GPHN: variants seen among roughly 807,000 people sequenced by gnomAD.
GPHN encodes gephyrin.
Under a neutral mutation model 95.5 loss-of-function variants are expected in GPHN, and 17 were observed. The ratio of observed to expected loss-of-function variants is 0.18; its 90% CI spans 0.12 to 0.27. GPHN has a LOEUF of 0.27. Among genes scored for constraint, GPHN ranks in the 10% least tolerant of loss-of-function variants. GPHN has a pLI of 1.00. For missense variants in GPHN, 660 were observed against 978.1 expected (o/e 0.67, Z 4.34); for synonymous variants, 320 against 322.5 (o/e 0.99, Z 0.08).
At chr14:67,536,899 G>A in the GPHN span, among the ~76,000 whole-genome samples, 4 of 151,694 alleles carry the variant, frequency 2.6e-5, no homozygotes, top group Admixed American at 2.6e-4. Context: ...AAATTAGCCA[G>A]TGTGGTGGCA....
the GPHN span, chr14:67,473,482 C>T: frequency 6.2e-7 from 1 of 1,614,188 alleles, no homozygotes; most frequent in South Asian, 1.1e-5. The surrounding 1 kb of genome is among the most constrained non-coding windows in gnomAD (Gnocchi z 6.5). Flanking sequence ...CCGGGCTCAG[C>T]GTCCTTGTCG....
the GPHN span, among the ~76,000 whole-genome samples, chr14:67,596,028 G>A: frequency 1.3e-5 from 2 of 152,182 alleles, no homozygotes; most frequent in Admixed American, 6.5e-5. Context: ...TTGATTCTAA[G>A]ACCAATGTAT....
intron 9 of GPHN, among the ~76,000 whole-genome samples, chr14:66,975,670 A>G (rs1017497462): frequency 1.3e-5 from 2 of 152,014 alleles, no homozygotes; most frequent in African/African-American, 4.8e-5. Context: ...ACTGAAGCCC[A>G]GGAGTTCAGG....
In GPHN at chr14:66,678,468, T is replaced by A. The variant is rs1388832917; in HGVS notation, c.65-2639T>A. On this transcript the variant is annotated intron_variant, in intron 1 of 22. Transcript: ENST00000478722. ...ATGACATTCTATTTAATTTCTCATT[T>A]AGATCACCAGTTGTTTTTTTTTTCT... Among the ~76,000 whole-genome samples, 4 of 151,988 alleles carry A rather than the reference T, an allele frequency of 2.6e-5. No homozygotes were observed. The East Asian group carries it at 7.7e-4, about 29-fold the overall frequency.
chr14:67,663,184 A>G, the GPHN span: 4 of 1,529,186 alleles, frequency 2.6e-6, no homozygotes, highest in South Asian at 4.8e-5. Context: ...AAAATTACTA[A>G]TCTCCCCTTT....
At chr14:67,076,404 G>A (rs1050293769) in intron 11 of GPHN, among the ~76,000 whole-genome samples, 4 of 151,894 alleles carry the variant, frequency 2.6e-5, no homozygotes, top group East Asian at 3.9e-4. Context: ...AGTTTATTGC[G>A]GTAGTCTTGA....
chr14:67,437,659 G>A, the GPHN span, among the ~76,000 whole-genome samples: 2 of 152,140 alleles, frequency 1.3e-5, no homozygotes, highest in Non-Finnish European at 2.9e-5. Flanking sequence ...TGGAGGAGGG[G>A]GGAGAGAGAG....
chr14:67,013,608 C>T (rs1306014283), intron 9 of GPHN, among the ~76,000 whole-genome samples: 1 of 152,140 alleles, frequency 6.6e-6, no homozygotes, highest in African/African-American at 2.4e-5. Context: ...ACTTTCTAAG[C>T]TCTTGCTACT....
intron 1 of GPHN, among the ~76,000 whole-genome samples, chr14:66,599,298 G>A (rs549597565): frequency 2.0e-5 from 3 of 150,220 alleles, no homozygotes; most frequent in African/African-American, 4.9e-5. Context: ...GATTTTGAGG[G>A]ATTTTATTTA....
At chr14:67,165,031 G>A in intron 19 of GPHN, 131 bp from the exon 20 acceptor site, 1 of 691,116 alleles carries the variant, frequency 1.4e-6, no homozygotes, top group South Asian at 1.6e-5. Flanking sequence ...AGAGTATAAA[G>A]ATGTAAAGGC....
At chr14:66,904,711 C>T (rs1423604524) in intron 5 of GPHN, among the ~76,000 whole-genome samples, 1 of 152,114 alleles carries the variant, frequency 6.6e-6, no homozygotes, top group African/African-American at 2.4e-5. Flanking sequence ...AGAAGGGGCC[C>T]TACAGTGGTA....
intron 10 of GPHN, among the ~76,000 whole-genome samples, chr14:67,027,314 A>G (rs2073977683): frequency 6.6e-6 from 1 of 152,178 alleles, no homozygotes; most frequent in Non-Finnish European, 1.5e-5. Context: ...GCACTGTAGG[A>G]CAGCGTTTTA....
chr14:67,126,221 C>T (rs2079305844), intron 17 of GPHN, among the ~76,000 whole-genome samples: 1 of 152,076 alleles, frequency 6.6e-6, no homozygotes, highest in Non-Finnish European at 1.5e-5. Flanking sequence ...TTTAAAGAGA[C>T]ACATTTTGAA....
chr14:67,705,538 A>G, the GPHN span, among the ~76,000 whole-genome samples: 1 of 152,292 alleles, frequency 6.6e-6, no homozygotes, highest in East Asian at 1.9e-4. Flanking sequence ...AACTAAATGC[A>G]ATGTGGGGTC....
At chr14:67,372,794 C>T in the GPHN span, among the ~76,000 whole-genome samples, 9 of 151,462 alleles carry the variant, frequency 5.9e-5, no homozygotes, top group Non-Finnish European at 1.3e-4. Context: ...CCCCACTGCA[C>T]TCCAGCCTGG....
intron 2 of GPHN, among the ~76,000 whole-genome samples, chr14:66,747,925 T>C (rs1368244894): frequency 2.0e-5 from 3 of 150,730 alleles, no homozygotes; most frequent in Non-Finnish European, 4.4e-5. Context: ...TAACATTAAA[T>C]AAAAAGAGAT....
At chr14:67,647,492 T>C in the GPHN span, 1 of 157,300 alleles carries the variant, frequency 6.4e-6, no homozygotes, top group South Asian at 2.0e-4. Context: ...AGTATGTCAT[T>C]TCATAAGCTG....
chr14:67,281,138 C>T, the GPHN span, among the ~76,000 whole-genome samples: 1 of 151,888 alleles, frequency 6.6e-6, no homozygotes, highest in African/African-American at 2.4e-5. Flanking sequence ...ACCTCATGAT[C>T]TGCCCTCCTT....
intron 1 of GPHN, among the ~76,000 whole-genome samples, chr14:66,601,697 C>T (rs939213084): frequency 6.6e-6 from 1 of 151,712 alleles, no homozygotes; most frequent in African/African-American, 2.4e-5. Context: ...AATAGATTGA[C>T]ATTTGTGCAA....
Sources: allele counts gnomAD v4.1 joint callset (sites outside exome capture counted in the v4.1 genomes callset), GRCh38; gene constraint gnomAD v4.1.1; non-coding constraint Gnocchi (gnomAD v3.1); transcripts MANE v1.5; gene names NCBI Gene and HGNC (gene_info 2026-07-23, HGNC 2026-07-21).